Variants in UMAD1 observed in about 807,000 individuals in gnomAD.
UMAD1 encodes UBAP1-MVB12-associated (UMA)-domain containing protein 1.
A neutral mutation model predicts 6.1 loss-of-function variants in UMAD1; 8 were observed. That is an observed-to-expected ratio of 1.30 (90% CI 0.76 to 2.35). UMAD1 has a LOEUF of 2.35. UMAD1 is among the 30% of genes most tolerant of loss of function. The pLI is 0.00. For synonymous variants in UMAD1, 56 were observed against 31.4 expected, an observed-to-expected ratio of 1.78 and a Z score of -2.61; for missense variants, 130 against 78.4, an observed-to-expected ratio of 1.66 and a Z score of -2.49.
At chr7:7,820,700 C>T (rs903255825) in intron 3 of UMAD1, among the ~76,000 whole-genome samples, 1 of 151,952 alleles carries the variant, frequency 6.6e-6, no homozygotes, top group Non-Finnish European at 1.5e-5. Flanking sequence ...TATTTTGGTA[C>T]TCATTTGCTT....
intron 3 of UMAD1, among the ~76,000 whole-genome samples, chr7:7,876,650 A>T (rs867601463): frequency 1.3e-4 from 20 of 152,212 alleles, no homozygotes; most frequent in African/African-American, 4.8e-4. Flanking sequence ...TTCCAATGAC[A>T]ATCAGACAAT....
At chr7:7,721,952 G>A (rs187062942) in intron 2 of UMAD1, among the ~76,000 whole-genome samples, 104 of 152,150 alleles carry the variant, frequency 6.8e-4, no homozygotes, top group African/African-American at 2.1e-3. Flanking sequence ...AAGCAGGCAG[G>A]AAAACGTGAA....
At chr7:7,757,737 C>G (rs1328231211) in intron 2 of UMAD1, among the ~76,000 whole-genome samples, 1 of 152,128 alleles carries the variant, frequency 6.6e-6, no homozygotes, top group Non-Finnish European at 1.5e-5. Context: ...GGTAGCAATT[C>G]CCACGTTTAG....
In UMAD1 at chr7:7,655,823, C is replaced by CTG. The variant is rs537123449; in HGVS notation, c.-64+15003_-64+15004insGT. Reference sequence around the variant, plus strand: ...TAAGTGTATATATTTAGGACAGTCTCTCTCTCTCTCTCTCTTTGTTTTTGT... The same window carrying CTG: ...TAAGTGTATATATTTAGGACAGTCTCTGTCTCTCTCTCTCTCTTTGTTTTTGT... On this transcript the variant is annotated intron_variant, in intron 1 of 3. Coordinates refer to ENST00000682710, the MANE Select transcript of UMAD1 (RefSeq NM_001302348.2). 3.3e-5 allele frequency among the ~76,000 whole-genome samples: 5 copies of CTG among 151,628 alleles called. No homozygotes were observed. In the East Asian group the frequency reaches 9.7e-4, roughly 29 times the overall value.
intron 2 of UMAD1, among the ~76,000 whole-genome samples, chr7:7,741,349 A>T (rs965335925): frequency 6.6e-6 from 1 of 151,888 alleles, no homozygotes. Flanking sequence ...AGGCGGGAGG[A>T]TCACGAGGTC....
At chr7:7,697,952 C>T (rs969428540) in intron 2 of UMAD1, among the ~76,000 whole-genome samples, 2 of 152,130 alleles carry the variant, frequency 1.3e-5, no homozygotes, top group Non-Finnish European at 1.5e-5. Context: ...GAAATAAAAA[C>T]TTTGGGGAGT....
chr7:7,781,185 A>G (rs1028631557), intron 2 of UMAD1, among the ~76,000 whole-genome samples: 9 of 152,174 alleles, frequency 5.9e-5, no homozygotes, highest in African/African-American at 2.2e-4. Flanking sequence ...AACTGGATGA[A>G]CTAAATTCTT....
intron 1 of UMAD1, among the ~76,000 whole-genome samples, chr7:7,649,158 C>CAAAAAAAA (rs34943326): frequency 3.1e-4 from 40 of 128,842 alleles, no homozygotes; most frequent in Non-Finnish European, 4.3e-4. Flanking sequence ...GACTCCATCT[C>CAAAAAAAA]AAAAAAAAAA....
At chr7:7,836,907 G>T (rs558424123) in intron 3 of UMAD1, among the ~76,000 whole-genome samples, 1 of 151,448 alleles carries the variant, frequency 6.6e-6, no homozygotes, top group Non-Finnish European at 1.5e-5. Flanking sequence ...AGGGAATGGG[G>T]CAGGGACAAT....
rs547268103 is a variant in UMAD1, at chr7:7,713,300, C to T, written c.82+39847C>T. On this transcript the variant is annotated intron_variant, in intron 2 of 3. Transcript: ENST00000682710. ...CGGAGGTTGTGGTGAGCTGAGATTGCGCCACTGCACTCCAGCCTGGGTGAC... is the reference window on the plus strand; with the variant it reads ...CGGAGGTTGTGGTGAGCTGAGATTGTGCCACTGCACTCCAGCCTGGGTGAC... Among the ~76,000 whole-genome samples, 9 of 152,016 alleles carry T rather than the reference C, an allele frequency of 5.9e-5. 1 individual carries two copies. Among genetic ancestry groups the T allele is most frequent in the South Asian group, 2.1e-4 (1 of 4,814 alleles).
At chr7:7,745,948 G>C (rs1358023126) in intron 2 of UMAD1, among the ~76,000 whole-genome samples, 1 of 152,012 alleles carries the variant, frequency 6.6e-6, no homozygotes, top group Non-Finnish European at 1.5e-5. Context: ...ATGGCTCACT[G>C]CACCCTCAAA....
At chr7:7,737,366 T>C (rs1441582855) in intron 2 of UMAD1, among the ~76,000 whole-genome samples, 1 of 152,190 alleles carries the variant, frequency 6.6e-6, no homozygotes, top group Non-Finnish European at 1.5e-5. Context: ...GCCCAGTGGG[T>C]GCTCAGTCAA....
chr7:7,656,307 TA>T (rs762593628), intron 1 of UMAD1, among the ~76,000 whole-genome samples: 47 of 151,912 alleles, frequency 3.1e-4, no homozygotes, highest in African/African-American at 4.3e-4. Context: ...TTCATGTATT[TA>T]AAAAAATTTT....
At chr7:7,715,822 A>G (rs1304200439) in intron 2 of UMAD1, among the ~76,000 whole-genome samples, 2 of 152,236 alleles carry the variant, frequency 1.3e-5, no homozygotes, top group African/African-American at 2.4e-5. Context: ...TAGCAGTCAT[A>G]TAAAATAGAA....
At chr7:7,833,720 A>C (rs1336006601) in intron 3 of UMAD1, among the ~76,000 whole-genome samples, 1 of 152,218 alleles carries the variant, frequency 6.6e-6, no homozygotes, top group Non-Finnish European at 1.5e-5. Flanking sequence ...AAAACGAATT[A>C]GAAAAACTAC....
chr7:7,735,943 A>T (rs886954014), intron 2 of UMAD1: 1 of 152,312 alleles, frequency 6.6e-6, no homozygotes, highest in African/African-American at 2.4e-5. Flanking sequence ...TTTGTCCATG[A>T]TTAGAGAATT....
At chr7:7,645,538 G>A (rs928306333) in intron 1 of UMAD1, among the ~76,000 whole-genome samples, 8 of 152,146 alleles carry the variant, frequency 5.3e-5, no homozygotes, top group Admixed American at 2.6e-4. Flanking sequence ...AAGTGGACCC[G>A]CATTCAGCTT....
Position 7,803,256 on chromosome 7 carries a change from G to A in UMAD1, c.156+1513G>A, listed in dbSNP as rs1430977664. Among the ~76,000 whole-genome samples, 6 of 152,210 alleles carry A rather than the reference G, an allele frequency of 3.9e-5. No homozygotes were observed. In the South Asian group the frequency reaches 1.2e-3, roughly 32 times the overall value. On this transcript the variant is annotated intron_variant, in intron 3 of 3. Coordinates refer to ENST00000682710, the MANE Select transcript of UMAD1 (RefSeq NM_001302348.2). The stretch of plus-strand genomic sequence containing the variant: ...TTTGGGAGGCCAAGGAAAGAGGATT[G>A]CTTGAGGCTAGGAGTTTGAGACCGG...
chr7:7,805,649 C>G (rs1210837456), intron 3 of UMAD1, among the ~76,000 whole-genome samples: 1 of 152,098 alleles, frequency 6.6e-6, no homozygotes, highest in Non-Finnish European at 1.5e-5. Flanking sequence ...ACTCCATACT[C>G]TCTCTAATCT....
Sources: gnomAD v4.1 joint callset for allele counts (sites outside exome capture counted in the v4.1 genomes callset) on GRCh38, gnomAD v4.1.1 for gene constraint, MANE v1.5 for transcripts, NCBI Gene and HGNC (gene_info 2026-07-23, HGNC 2026-07-21) for gene names.